Variants in EML4 observed in about 807,000 individuals in gnomAD.
EML4 encodes the protein echinoderm microtubule-associated protein-like 4.
A neutral mutation model predicts 129.0 loss-of-function variants in EML4; 72 were observed. That is an observed-to-expected ratio of 0.56 (90% CI 0.46 to 0.68). EML4 has a LOEUF of 0.68. Among genes scored for constraint, EML4 ranks in the 30% least tolerant of loss-of-function variants. EML4 has a pLI of 0.00. For missense variants in EML4, 1,363 were observed against 1,190.6 expected (o/e 1.14, Z -2.13); for synonymous variants, 532 against 405.0 (o/e 1.31, Z -3.77).
At chr2:42,284,774 AACC>A (rs1005080214) in intron 9 of EML4, 71 bp downstream of exon 9, 3 of 1,106,496 alleles carry the variant, frequency 2.7e-6, no homozygotes, top group Non-Finnish European at 2.6e-6. Context: ...TTGTAATTTT[AACC>A]ACAACTCATT....
chr2:42,238,535 G>T (rs1435046582), intron 1 of EML4, among the ~76,000 whole-genome samples: 2 of 152,078 alleles, frequency 1.3e-5, no homozygotes, highest in Non-Finnish European at 2.9e-5. Flanking sequence ...TTGAGGATGG[G>T]AATTCAAGAC....
intron 6 of EML4, among the ~76,000 whole-genome samples, chr2:42,280,389 G>T (rs534126205): frequency 6.6e-6 from 1 of 152,148 alleles, no homozygotes; most frequent in African/African-American, 2.4e-5. Flanking sequence ...TCTGTATGCT[G>T]TGTAATGTAG....
intron 1 of EML4, among the ~76,000 whole-genome samples, chr2:42,178,620 G>C (rs1454860827): frequency 6.6e-6 from 1 of 152,172 alleles, no homozygotes; most frequent in Non-Finnish European, 1.5e-5. Flanking sequence ...TCACGTGAGA[G>C]ATCCCTGGGA....
At chr2:42,216,305 C>T (rs1004523108) in intron 1 of EML4, among the ~76,000 whole-genome samples, 7 of 126,094 alleles carry the variant, frequency 5.6e-5, no homozygotes, top group Non-Finnish European at 7.8e-5. Context: ...TGCAGTGGCG[C>T]GATCTTGGCT....
intron 1 of EML4, among the ~76,000 whole-genome samples, 153 bp from the exon 2 acceptor site, chr2:42,245,352 C>A (rs894595846): frequency 2.0e-5 from 3 of 151,384 alleles, no homozygotes; most frequent in African/African-American, 7.3e-5. Context: ...TCTCTTGGCC[C>A]CTCAAAGTTC....
At position 42,277,580 on chromosome 2, in the gene EML4, T is replaced by G. The variant is rs1262147374; in HGVS notation, c.668-3270T>G. Among the ~76,000 whole-genome samples the G allele has an allele frequency of 2.0e-5, 3 of 151,818 alleles. No individual in the cohort carries two copies. The East Asian group carries it at 5.8e-4, about 29-fold the overall frequency. On this transcript the variant is annotated intron_variant, in intron 6 of 22. Coordinates refer to ENST00000318522, the MANE Select transcript of EML4 (RefSeq NM_019063.5). ...CATAACAAGCACAACCTTTTTTTTT[T>G]TTTTTTTGAGACGGAGTCTCACTCT... is the stretch of plus-strand genomic sequence containing the variant.
chr2:42,262,164 A>C (rs973206086), intron 4 of EML4, among the ~76,000 whole-genome samples: 9 of 152,170 alleles, frequency 5.9e-5, no homozygotes, highest in Non-Finnish European at 1.2e-4. Flanking sequence ...TTCCTAAAAG[A>C]TTTAAATTTT....
intron 1 of EML4, among the ~76,000 whole-genome samples, chr2:42,235,098 C>T (rs1674579762): frequency 6.6e-6 from 1 of 152,136 alleles, no homozygotes; most frequent in Non-Finnish European, 1.5e-5. Context: ...CAGTTTGAGA[C>T]AAGCCTGGCC....
At chr2:42,231,079 C>T (rs1319671428) in intron 1 of EML4, among the ~76,000 whole-genome samples, 1 of 152,220 alleles carries the variant, frequency 6.6e-6, no homozygotes, top group Non-Finnish European at 1.5e-5. Flanking sequence ...CCTTAAAAGA[C>T]TGCCTTACCT....
At chr2:42,188,297 TAATGTAGAG>T (rs1457766857) in intron 1 of EML4, among the ~76,000 whole-genome samples, 1 of 152,082 alleles carries the variant, frequency 6.6e-6, no homozygotes, top group Non-Finnish European at 1.5e-5. Context: ...AAATGGAAAA[TAATGTAGAG>T]GACCTCCTGG....
intron 1 of EML4, among the ~76,000 whole-genome samples, chr2:42,175,826 AGAAAG>A (rs1254971503): frequency 1.3e-5 from 2 of 152,196 alleles, no homozygotes; most frequent in African/African-American, 4.8e-5. Context: ...AAAACACCAT[AGAAAG>A]GAAAGAAGAA....
intron 16 of EML4, among the ~76,000 whole-genome samples, chr2:42,303,951 T>G (rs1014317668): frequency 2.2e-4 from 34 of 152,152 alleles, no homozygotes; most frequent in African/African-American, 6.3e-4. Context: ...AAGAAGTAAG[T>G]TAGCAGCGTA....
At chr2:42,169,863 C>G (rs1347437380) in intron 1 of EML4, 2 of 441,240 alleles carry the variant, frequency 4.5e-6, no homozygotes, top group African/African-American at 2.0e-5. Context: ...CCCGGAGCCC[C>G]TTTCAGTGCG....
At chr2:42,288,563 A>C in intron 11 of EML4, 1 of 237,594 alleles carries the variant, frequency 4.2e-6, no homozygotes, top group East Asian at 8.4e-5. Context: ...TATAGTCCTG[A>C]AATGCCAGAG....
At chr2:42,282,408 G>A (rs1313640408) in intron 7 of EML4, among the ~76,000 whole-genome samples, 1 of 134,384 alleles carries the variant, frequency 7.4e-6, no homozygotes, top group South Asian at 2.7e-4. Context: ...GTGGGGGTGG[G>A]CGGCAACAGG....
At chr2:42,244,101 GTTTT>G (rs147426155) in intron 1 of EML4, among the ~76,000 whole-genome samples, 35 of 81,372 alleles carry the variant, frequency 4.3e-4, no homozygotes, top group African/African-American at 9.4e-4. Context: ...TTTGTTTTTT[GTTTT>G]TTTTTTTTTT....
chr2:42,312,508 A>G (rs1409918941), intron 17 of EML4, among the ~76,000 whole-genome samples: 1 of 152,046 alleles, frequency 6.6e-6, no homozygotes, highest in Non-Finnish European at 1.5e-5. Context: ...ACCCCATATC[A>G]TAACCCAGAC....
chr2:42,323,201 C>G lies in EML4; in HGVS notation c.2155-2266C>G, dbSNP rs185789061. 2.0e-4 allele frequency among the ~76,000 whole-genome samples: 30 copies of G among 152,252 alleles called. 1 individual carries two copies. In the East Asian group the frequency reaches 5.2e-3, roughly 26 times the overall value. On this transcript the variant is annotated intron_variant, in intron 19 of 22. Coordinates refer to ENST00000318522, the MANE Select transcript of EML4 (RefSeq NM_019063.5). The stretch of plus-strand genomic sequence containing the variant: ...TTTGCCATGACCAATCTTGTTAAAT[C>G]TTCATCCACGTAGCAAGTTTTAATT...
chr2:42,259,716 T>G (rs1171249306), intron 3 of EML4, among the ~76,000 whole-genome samples: 1 of 121,620 alleles, frequency 8.2e-6, no homozygotes, highest in African/African-American at 3.1e-5. Context: ...TTTTGTTTCT[T>G]TCTTTCTTTT....
Sources: allele counts gnomAD v4.1 joint callset (sites outside exome capture counted in the v4.1 genomes callset), GRCh38; gene constraint gnomAD v4.1.1; transcripts MANE v1.5; gene names NCBI Gene and HGNC (gene_info 2026-07-23, HGNC 2026-07-21).